ZNF438: variants seen among roughly 807,000 people sequenced by gnomAD.
ZNF438 encodes zinc finger protein 438.
ZNF438 carries 25 observed loss-of-function variants against 38.0 expected under a neutral mutation model. The ratio of observed to expected loss-of-function variants is 0.66; its 90% CI spans 0.48 to 0.92. The LOEUF is 0.92. Among genes scored for constraint, ZNF438 ranks in the 40% least tolerant of loss-of-function variants. ZNF438 has a pLI of 0.00. For missense variants in ZNF438, 1,007 were observed against 999.6 expected (o/e 1.01, Z -0.10); for synonymous variants, 372 against 364.1 (o/e 1.02, Z -0.25).
At chr10:30,954,728 G>A (rs181588777) in intron 1 of ZNF438, among the ~76,000 whole-genome samples, 242 of 152,240 alleles carry the variant, frequency 1.6e-3, no homozygotes, top group Middle Eastern at 0.01. Flanking sequence ...AATGGAGCGG[G>A]CTACAATTTG....
chr10:30,950,981 T>C (rs1020682892), intron 1 of ZNF438, among the ~76,000 whole-genome samples: 1 of 140,678 alleles, frequency 7.1e-6, no homozygotes, highest in Non-Finnish European at 1.5e-5. Context: ...TTGATGAACA[T>C]TGATGCAAAA....
chr10:30,973,107 T>C (rs2050927972), intron 1 of ZNF438, among the ~76,000 whole-genome samples: 1 of 152,196 alleles, frequency 6.6e-6, no homozygotes, highest in Non-Finnish European at 1.5e-5. Context: ...CCTCCAGTAG[T>C]TAACGCTGTA....
At chr10:30,948,987 C>A (rs905679782) in intron 1 of ZNF438, among the ~76,000 whole-genome samples, 1 of 152,148 alleles carries the variant, frequency 6.6e-6, no homozygotes, top group African/African-American at 2.4e-5. Flanking sequence ...AAAATGTTAA[C>A]GGCAGCCAGA....
chr10:30,850,882 T>C (rs1564486511), intron 4 of ZNF438, among the ~76,000 whole-genome samples: 1 of 152,228 alleles, frequency 6.6e-6, no homozygotes, highest in Non-Finnish European at 1.5e-5. Context: ...AAACAAGCGC[T>C]TCTTGTATCA....
intron 1 of ZNF438, among the ~76,000 whole-genome samples, chr10:30,993,464 A>AT (rs1225690604): frequency 6.6e-6 from 1 of 152,238 alleles, no homozygotes; most frequent in African/African-American, 2.4e-5. Flanking sequence ...GGCACAAGCT[A>AT]TAAATTTTGG....
intron 2 of ZNF438, among the ~76,000 whole-genome samples, chr10:30,929,564 A>C (rs150346886): frequency 0.01 from 1,552 of 152,308 alleles, 21 homozygotes; most frequent in African/African-American, 0.035. Flanking sequence ...AGAGTGAAAG[A>C]ACAAAGCTTT....
At chr10:30,882,670 T>C (rs1414519865) in intron 3 of ZNF438, among the ~76,000 whole-genome samples, 1 of 152,128 alleles carries the variant, frequency 6.6e-6, no homozygotes, top group Non-Finnish European at 1.5e-5. Flanking sequence ...AATGGTTGCC[T>C]GGGGACAGGG....
intron 1 of ZNF438, among the ~76,000 whole-genome samples, chr10:31,020,056 A>G (rs1336922750): frequency 1.3e-5 from 2 of 152,208 alleles, no homozygotes; most frequent in African/African-American, 2.4e-5. Flanking sequence ...ATTCTTTATC[A>G]TATCACTAGG....
intron 1 of ZNF438, among the ~76,000 whole-genome samples, chr10:30,979,462 C>G (rs1483203331): frequency 2.6e-5 from 4 of 152,186 alleles, no homozygotes; most frequent in Admixed American, 6.5e-5. Context: ...CAAGACAATC[C>G]TAAGCAAAAA....
Position 30,990,471 on chromosome 10 carries a change from C to CT in ZNF438, c.-192+41361dup, listed in dbSNP as rs146513210. ...CAGATACTTGCCAGAAATACAAACCCTCAGGTCCAACCTCCAATCTCCTGA... is the reference window on the plus strand; with the variant it reads ...CAGATACTTGCCAGAAATACAAACCCTTCAGGTCCAACCTCCAATCTCCTGA... On this transcript the variant is annotated intron_variant, in intron 1 of 5. Coordinates refer to ENST00000413025, the Ensembl canonical transcript of ZNF438. Among the ~76,000 whole-genome samples the CT allele has an allele frequency of 4.0e-3, 616 of 152,282 alleles. 7 individuals carry two copies. The highest frequency in any genetic ancestry group is 0.014 in the African/African-American group (578 of 41,560).
intron 2 of ZNF438, among the ~76,000 whole-genome samples, chr10:30,933,260 A>G (rs770042523): frequency 3.3e-5 from 5 of 152,246 alleles, no homozygotes; most frequent in Non-Finnish European, 7.3e-5. Context: ...TACAACCTAT[A>G]ATGTAAAAGC....
In ZNF438 at chr10:30,993,763, G is replaced by A. The variant is rs186968609; in HGVS notation, c.-192+38070C>T. Among the ~76,000 whole-genome samples the A allele has an allele frequency of 8.8e-4, 134 of 152,344 alleles. 1 individual carries two copies. Among genetic ancestry groups the A allele is most frequent in the Admixed American group, 7.8e-3 (119 of 15,308 alleles). ...CCACCAGCATGCAGGTCCAACCTGC[G>A]AAAGCCACAGGCACCCAACTGTAAC... On this transcript the variant is annotated intron_variant, in intron 1 of 5. Coordinates refer to ENST00000413025, the Ensembl canonical transcript of ZNF438.
In ZNF438 at chr10:30,845,139, A is replaced by T; in HGVS notation, c.2309T>A (p.Leu770Ter). ...GCAGTTAAAGCCTGAATGGGACCAC[A>T]AGAGAAACGTGTGGAGGCCAGGACA... The change falls in exon 6 of 6, where the codon TTG becomes TAG. Residue 770 changes from leucine (L) to a stop codon, truncating the protein, a stop_gained. Transcript: ENST00000413025. LOFTEE classifies it low-confidence loss of function (END_TRUNC). The T allele has an allele frequency of 1.2e-6, 2 of 1,614,216 alleles. No individual in the cohort carries two copies. Among genetic ancestry groups the T allele is most frequent in the Non-Finnish European group, 1.7e-6 (2 of 1,180,038 alleles).
chr10:31,003,815 G>A (rs2054879525), intron 1 of ZNF438, among the ~76,000 whole-genome samples: 1 of 152,072 alleles, frequency 6.6e-6, no homozygotes. Flanking sequence ...AAAACTCTCT[G>A]GTGGCTCCCT....
chr10:30,862,939 G>A (rs2035828403), intron 4 of ZNF438, among the ~76,000 whole-genome samples: 1 of 152,194 alleles, frequency 6.6e-6, no homozygotes, highest in Non-Finnish European at 1.5e-5. Context: ...TGAGGAATGT[G>A]CAAACTACAT....
chr10:30,862,882 T>C (rs566466546), intron 4 of ZNF438, among the ~76,000 whole-genome samples: 1 of 152,372 alleles, frequency 6.6e-6, no homozygotes, highest in East Asian at 1.9e-4. Flanking sequence ...ATCGCTTTTA[T>C]ACTATAATTT....
chr10:30,860,845 A>G (rs774765268), intron 4 of ZNF438, among the ~76,000 whole-genome samples: 15 of 152,224 alleles, frequency 9.9e-5, no homozygotes, highest in Non-Finnish European at 1.5e-4. Flanking sequence ...CAGGGAAGAA[A>G]GCAACTACCC....
At chr10:30,863,979 C>T (rs1005345559) in intron 4 of ZNF438, among the ~76,000 whole-genome samples, 1 of 152,130 alleles carries the variant, frequency 6.6e-6, no homozygotes, top group African/African-American at 2.4e-5. Context: ...AGACTCTTGG[C>T]GGCCCACATT....
rs374371202 is a variant in ZNF438, at chr10:31,006,843, G to GAAA, written c.-192+24987_-192+24989dup. Among the ~76,000 whole-genome samples the GAAA allele has an allele frequency of 2.8e-5, 4 of 143,992 alleles. No individual in the cohort carries two copies. The East Asian group carries it at 6.0e-4, about 22-fold the overall frequency. 94.5% of individuals were successfully genotyped at this position (143,992 alleles called of 152,430 possible). ...CTGTGTTGATTGCTGTTGGCTAATAGAAAAAAAAAAACCATTTTGAGTGTG... is the reference window on the plus strand; with the variant it reads ...CTGTGTTGATTGCTGTTGGCTAATAGAAAAAAAAAAAAAACCATTTTGAGTGTG... On this transcript the variant is annotated intron_variant, in intron 1 of 5. Transcript: ENST00000413025.
Sources: allele counts gnomAD v4.1 joint callset (sites outside exome capture counted in the v4.1 genomes callset), GRCh38; gene constraint gnomAD v4.1.1; transcripts MANE v1.5; gene names NCBI Gene and HGNC (gene_info 2026-07-23, HGNC 2026-07-21).